The following GALNT6 variants were observed in gnomAD, a reference collection of about 807,000 sequenced individuals.
The protein encoded by GALNT6 is GalNAc transferase 6.
In GALNT6, 51 loss-of-function variants were observed where a neutral mutation model predicts 65.9. The observed-to-expected ratio is 0.77, with a 90% CI of 0.62 to 0.98. GALNT6 has a LOEUF of 0.98. Among genes scored for constraint, GALNT6 ranks in the 50% least tolerant of loss-of-function variants. The probability of loss-of-function intolerance (pLI) is 0.00; values close to 1 mark genes in which losing one functional copy is unlikely to be tolerated. For synonymous variants in GALNT6, 323 were observed against 315.1 expected, an observed-to-expected ratio of 1.02 and a Z score of -0.26; for missense variants, 708 against 803.3, an observed-to-expected ratio of 0.88 and a Z score of 1.43.
At chr12:51,359,541 C>T in intron 7 of GALNT6, 1 of 468,690 alleles carries the variant, frequency 2.1e-6, no homozygotes, top group South Asian at 4.6e-5. Context: ...TTGGTTCACT[C>T]TGACTTAAGC....
chr12:51,357,392 T>C lies in GALNT6; in HGVS notation c.1559A>G (p.Lys520Arg), dbSNP rs938274395. 2.5e-6 allele frequency: 4 copies of C among 1,613,928 alleles called. No homozygotes were observed. The highest frequency in any genetic ancestry group is 3.4e-6 in the Non-Finnish European group (4 of 1,179,860). ...LDVGENNRGG[K>R]PLIMYSCHGL... ...GTGGCAGGAGTACATGATGAGGGGC[T>C]TCCCCCCGCGGTTGTTCTCACCCAC... Residue 520 changes from lysine (K) to arginine (R), a missense_variant, in exon 10 of 12, where the codon AAG (lysine) becomes AGG (arginine). Transcript: ENST00000356317.
At chr12:51,360,892 C>A in intron 6 of GALNT6, 54 bp from the exon 7 acceptor site, 113 of 1,260,512 alleles carry the variant, frequency 9.0e-5, no homozygotes, top group Non-Finnish European at 1.3e-4. Context: ...AGGAGCGGAG[C>A]CTGGCGGGGA....
chr12:51,374,987 C>G (rs1026608915), intron 4 of GALNT6, among the ~76,000 whole-genome samples: 2 of 152,122 alleles, frequency 1.3e-5, no homozygotes, highest in African/African-American at 2.4e-5. Context: ...GGGTCATGCT[C>G]TGGCTCAGCC....
chr12:51,358,471 T>A (rs1946819297), intron 8 of GALNT6, among the ~76,000 whole-genome samples: 1 of 152,070 alleles, frequency 6.6e-6, no homozygotes, highest in African/African-American at 2.4e-5. Context: ...CAATTAATTT[T>A]TGTATTTTTA....
chr12:51,365,903 C>T lies in GALNT6; in HGVS notation c.665-324G>A, dbSNP rs530639379. On this transcript the variant is annotated intron_variant, in intron 4 of 11. Coordinates refer to ENST00000356317, the MANE Select transcript of GALNT6 (RefSeq NM_007210.4). The stretch of plus-strand genomic sequence containing the variant: ...CCTCAGAGTTGTGTTTCTGTGGTCA[C>T]GTATCAAGTACAAACTTTTTGTTGT... Among the ~76,000 whole-genome samples, 5 of 152,216 alleles carry T rather than the reference C, an allele frequency of 3.3e-5. No homozygotes were observed. The South Asian group carries it at 6.2e-4, about 19-fold the overall frequency.
chr12:51,391,621 C>CGCAGCT (rs1471377099), upstream of GALNT6: 1 of 152,312 alleles, frequency 6.6e-6, no homozygotes, highest in African/African-American at 2.4e-5. Flanking sequence ...GAGGCAAAGC[C>CGCAGCT]GCAGCCGCGC....
chr12:51,359,596 G>A, intron 7 of GALNT6: 1 of 343,134 alleles, frequency 2.9e-6, no homozygotes, highest in East Asian at 4.5e-5. Flanking sequence ...CCCACTTTAG[G>A]GAAAAGCCTG....
At chr12:51,356,808 T>C (rs1401476545) in intron 10 of GALNT6, among the ~76,000 whole-genome samples, 1 of 152,202 alleles carries the variant, frequency 6.6e-6, no homozygotes, top group Non-Finnish European at 1.5e-5. Context: ...CCACTGGAAA[T>C]CATCTTGCAG....
intron 7 of GALNT6, chr12:51,360,059 G>A (rs953656638): frequency 1.3e-5 from 2 of 152,258 alleles, no homozygotes; most frequent in African/African-American, 2.4e-5. Flanking sequence ...ACCGTGAGAG[G>A]TGACTTCATA....
At position 51,359,272 on chromosome 12, in the gene GALNT6, G is replaced by C. The variant is rs763550874; in HGVS notation, c.1228C>G (p.Arg410Gly). ...GGGAAGGTGTGGGGGCTCTTGGTCCGGAACACATGGCCTACGACAGAGCAG... is the reference window on the plus strand; with the variant it reads ...GGGAAGGTGTGGGGGCTCTTGGTCCCGAACACATGGCCTACGACAGAGCAG... ...IPCSVVGHVF[R>G]TKSPHTFPKG... The change falls in exon 8 of 12, where the codon CGG (arginine) becomes GGG (glycine). Residue 410 changes from arginine to glycine, a missense_variant. Physicochemically the swap from Arg to Gly is moderately radical, Grantham distance 125. Coordinates refer to ENST00000356317, the MANE Select transcript of GALNT6 (RefSeq NM_007210.4). The C allele has an allele frequency of 1.9e-6, 3 of 1,614,036 alleles. No homozygotes were observed. Among genetic ancestry groups the C allele is most frequent in the Non-Finnish European group, 1.7e-6 (2 of 1,179,976 alleles).
intron 4 of GALNT6, among the ~76,000 whole-genome samples, chr12:51,373,841 T>C (rs1226867634): frequency 6.6e-6 from 1 of 152,206 alleles, no homozygotes; most frequent in Non-Finnish European, 1.5e-5. Context: ...GCATCCCTGA[T>C]ACTTGCTTGC....
chr12:51,377,203 C>T lies in GALNT6; in HGVS notation c.656G>A (p.Ser219Asn). The T allele has an allele frequency of 6.2e-7, 1 of 1,613,526 alleles. No individual in the cohort carries two copies. The highest frequency in any genetic ancestry group is 8.5e-7 in the Non-Finnish European group (1 of 1,179,940). The change falls in exon 4 of 12, where the codon AGC becomes AAC. Residue 219 changes from serine to asparagine, a missense_variant. Coordinates refer to ENST00000356317, the MANE Select transcript of GALNT6 (RefSeq NM_007210.4). ...GGCCCCTCCAGCCTCACCCTCTGTGCTGGCATCATCCACCAGTATGATCTC... is the reference window on the plus strand; with the variant it reads ...GGCCCCTCCAGCCTCACCCTCTGTGTTGGCATCATCCACCAGTATGATCTC... ...LKEIILVDDA[S>N]TEEHLKEKLE...
At position 51,370,357 on chromosome 12, in the gene GALNT6, C is replaced by T. The variant is rs548491284; in HGVS notation, c.665-4778G>A. 7.0e-4 allele frequency among the ~76,000 whole-genome samples: 107 copies of T among 152,168 alleles called. 1 individual carries two copies. Among genetic ancestry groups the T allele is most frequent in the Non-Finnish European group, 1.1e-3 (76 of 68,008 alleles). On this transcript the variant is annotated intron_variant, in intron 4 of 11. Transcript: ENST00000356317. Reference sequence around the variant, plus strand: ...GTCAGGAGTTCGAGACCAGCCTGACCAACACGGAGAAACCCTGTCTCTACT... The same window carrying T: ...GTCAGGAGTTCGAGACCAGCCTGACTAACACGGAGAAACCCTGTCTCTACT...
chr12:51,359,167 T>G lies in GALNT6; in HGVS notation c.1333A>C (p.Arg445=). The G allele has an allele frequency of 5.0e-6, 8 of 1,614,176 alleles. No individual in the cohort carries two copies. Among genetic ancestry groups the G allele is most frequent in the Non-Finnish European group, 6.8e-6 (8 of 1,180,010 alleles). ...ATCTTTGCTGCCTGCAGATTTCTCCTATAGAAAATCTTCTTGTAGCTGTCC... is the reference window on the plus strand; with the variant it reads ...ATCTTTGCTGCCTGCAGATTTCTCCGATAGAAAATCTTCTTGTAGCTGTCC... ...WMDSYKKIFY[R]RNLQAAKMAQ... is the part of the protein sequence containing the mutation. The change falls in exon 8 of 12, where the codon AGG becomes CGG. Residue 445 remains arginine, a synonymous_variant. Transcript: ENST00000356317.
Position 51,377,178 on chromosome 12 carries a change from G to C in GALNT6, c.664+17C>G, listed in dbSNP as rs755577062. 5 of 1,612,056 alleles carry C rather than the reference G, an allele frequency of 3.1e-6. No homozygotes were observed. In the South Asian group the frequency reaches 3.3e-5, roughly 11 times the overall value. On this transcript the variant is annotated intron_variant, in intron 4 of 11. Transcript: ENST00000356317. ...GGGGAGACCCCGGCCCCCTCCTCTG[G>C]GCCCCTCCAGCCTCACCCTCTGTGC...
At position 51,351,724 on chromosome 12, in the gene GALNT6, A is replaced by G. The variant is rs943658272; in HGVS notation, c.*2655T>C. The stretch of plus-strand genomic sequence containing the variant: ...CTCACGTCTCCACGTGCTTGACACA[A>G]TACATAAGCTAGATTTAGGGCCAGA... On this transcript the variant is annotated 3_prime_UTR_variant, in exon 12 of 12. Transcript: ENST00000356317. The G allele has an allele frequency of 1.3e-5, 2 of 152,160 alleles. No homozygotes were observed. Among genetic ancestry groups the G allele is most frequent in the African/African-American group, 4.8e-5 (2 of 41,440 alleles). The allele number at this position is 152,160 out of a possible 1,614,324, so 9.4% of individuals were successfully genotyped here.
chr12:51,368,834 G>A (rs1434294743), intron 4 of GALNT6, among the ~76,000 whole-genome samples: 1 of 152,182 alleles, frequency 6.6e-6, no homozygotes, highest in Non-Finnish European at 1.5e-5. Flanking sequence ...CCAGGAATGA[G>A]GCCTCTTATC....
intron 4 of GALNT6, among the ~76,000 whole-genome samples, chr12:51,372,831 C>T (rs573175402): frequency 1.2e-3 from 188 of 152,314 alleles, no homozygotes; most frequent in African/African-American, 4.3e-3. Context: ...TTTAGAACCC[C>T]CACGTCCAAG....
At chr12:51,354,746 GA>G (rs1946696351) in intron 11 of GALNT6, among the ~76,000 whole-genome samples, 1 of 152,150 alleles carries the variant, frequency 6.6e-6, no homozygotes, top group African/African-American at 2.4e-5. Context: ...TGGGCTGAGA[GA>G]AAAATGCTTT....
Sources: allele counts gnomAD v4.1 joint callset (sites outside exome capture counted in the v4.1 genomes callset), GRCh38; gene constraint gnomAD v4.1.1; transcripts MANE v1.5; gene names NCBI Gene and HGNC (gene_info 2026-07-23, HGNC 2026-07-21).